Variants in MAPKAP1 observed in about 807,000 individuals in gnomAD.
The protein encoded by MAPKAP1 is target of rapamycin complex 2 subunit MAPKAP1.
MAPKAP1 carries 20 observed loss-of-function variants against 65.7 expected under a neutral mutation model. The ratio of observed to expected loss-of-function variants is 0.30; its 90% confidence interval spans 0.21 to 0.44. The LOEUF is 0.44. Among genes scored for constraint, MAPKAP1 ranks in the 20% least tolerant of loss-of-function variants. MAPKAP1 has a pLI of 1.00. For missense variants in MAPKAP1, 423 were observed against 648.0 expected (o/e 0.65, Z 3.77); for synonymous variants, 222 against 244.3 (o/e 0.91, Z 0.85).
chr9:125,498,924 C>T (rs138414014), intron 8 of MAPKAP1, among the ~76,000 whole-genome samples: 1 of 152,322 alleles, frequency 6.6e-6, no homozygotes, highest in Non-Finnish European at 1.5e-5. Context: ...GACACCTGTG[C>T]CCCATCTGCT....
chr9:125,476,812 A>G lies in MAPKAP1; in HGVS notation c.1207+7631T>C, dbSNP rs190573600. Among the ~76,000 whole-genome samples the G allele has an allele frequency of 4.5e-3, 686 of 152,338 alleles. 4 individuals carry two copies. Among genetic ancestry groups the G allele is most frequent in the African/African-American group, 0.015 (644 of 41,582 alleles). ...GTAGGAAAGACAAGGCAGGGAAGAC[A>G]AGAAATGGCAAATATGCTGCCTGTC... On this transcript the variant is annotated intron_variant, in intron 9 of 11. Transcript: ENST00000265960.
At chr9:125,458,675 T>C (rs1486549088) in intron 10 of MAPKAP1, among the ~76,000 whole-genome samples, 1 of 149,912 alleles carries the variant, frequency 6.7e-6, no homozygotes, top group South Asian at 2.1e-4. Flanking sequence ...CCCTCCCCCC[T>C]TTCTATTCCA....
At chr9:125,507,839 T>C (rs1319177041) in intron 7 of MAPKAP1, among the ~76,000 whole-genome samples, 1 of 152,226 alleles carries the variant, frequency 6.6e-6, no homozygotes, top group Non-Finnish European at 1.5e-5. Flanking sequence ...TTTAAAATTA[T>C]TGGTAGTAAA....
chr9:125,475,718 T>C (rs1358570778), intron 9 of MAPKAP1, among the ~76,000 whole-genome samples: 4 of 152,140 alleles, frequency 2.6e-5, no homozygotes, highest in African/African-American at 9.7e-5. Context: ...AGAGAAGGCA[T>C]TTACAAAGAT....
At chr9:125,618,906 A>G (rs1170940385) in intron 4 of MAPKAP1, among the ~76,000 whole-genome samples, 1 of 152,220 alleles carries the variant, frequency 6.6e-6, no homozygotes, top group African/African-American at 2.4e-5. Context: ...CCAAGGCAAG[A>G]GAATGCCTTG....
At position 125,640,546 on chromosome 9, in the gene MAPKAP1, C is replaced by T. The variant is rs560395869; in HGVS notation, c.498+17105G>A. Among the ~76,000 whole-genome samples the T allele has an allele frequency of 5.3e-4, 80 of 152,028 alleles. No homozygotes were observed. In the Middle Eastern group the frequency reaches 0.01, roughly 20 times the overall value. ...TTGATGAATGAAAAATCTACCTTGC[C>T]TACAGTATTCTCATAAAGCAAACCT... On this transcript the variant is annotated intron_variant, in intron 4 of 11. Transcript: ENST00000265960.
intron 8 of MAPKAP1, among the ~76,000 whole-genome samples, chr9:125,493,399 C>T (rs187340205): frequency 6.6e-6 from 1 of 152,318 alleles, no homozygotes; most frequent in East Asian, 1.9e-4. Context: ...ATTGAAGGTT[C>T]TTCTGGTAAG....
At chr9:125,654,085 G>A (rs1211479628) in intron 4 of MAPKAP1, among the ~76,000 whole-genome samples, 1 of 152,164 alleles carries the variant, frequency 6.6e-6, no homozygotes, top group African/African-American at 2.4e-5. Flanking sequence ...TCTGAAACGG[G>A]TGGAGAAACA....
chr9:125,706,681 G>C (rs1029533682), intron 1 of MAPKAP1, among the ~76,000 whole-genome samples: 5 of 152,014 alleles, frequency 3.3e-5, no homozygotes, highest in African/African-American at 1.2e-4. Flanking sequence ...AGGGCACCTA[G>C]ATATTGCCAA....
At chr9:125,467,917 G>T (rs1213956302) in intron 10 of MAPKAP1, 55 bp downstream of exon 10, 3 of 1,586,728 alleles carry the variant, frequency 1.9e-6, no homozygotes, top group Admixed American at 1.7e-5. Flanking sequence ...CCAGCACACA[G>T]AAGAGAAGAG....
At chr9:125,514,154 C>G (rs1443537896) in intron 7 of MAPKAP1, among the ~76,000 whole-genome samples, 1 of 152,146 alleles carries the variant, frequency 6.6e-6, no homozygotes, top group African/African-American at 2.4e-5. Context: ...ACGTGCCATT[C>G]CCTCTTCCCT....
At chr9:125,682,153 T>C (rs1186327693) in intron 1 of MAPKAP1, among the ~76,000 whole-genome samples, 1 of 152,214 alleles carries the variant, frequency 6.6e-6, no homozygotes, top group Non-Finnish European at 1.5e-5. Flanking sequence ...GGTTACTTTG[T>C]AGCTTCCACT....
chr9:125,701,562 T>A (rs1835598992), intron 1 of MAPKAP1, among the ~76,000 whole-genome samples: 1 of 152,206 alleles, frequency 6.6e-6, no homozygotes, highest in African/African-American at 2.4e-5. Context: ...ACACCCTCTC[T>A]AGTCAACTGC....
At chr9:125,486,590 C>T (rs1854506581) in intron 8 of MAPKAP1, among the ~76,000 whole-genome samples, 1 of 152,206 alleles carries the variant, frequency 6.6e-6, no homozygotes. Flanking sequence ...AAGTTGGTGT[C>T]TGATGCTTTC....
At chr9:125,652,075 C>T in intron 4 of MAPKAP1, 3 of 1,238,082 alleles carry the variant, frequency 2.4e-6, no homozygotes, top group Non-Finnish European at 3.1e-6. Context: ...GCCTTTTCCA[C>T]TAAGGGCAAT....
chr9:125,556,465 G>A lies in MAPKAP1; in HGVS notation c.848+3168C>T, dbSNP rs895349507. Among the ~76,000 whole-genome samples, 3 of 152,228 alleles carry A rather than the reference G, an allele frequency of 2.0e-5. No homozygotes were observed. The East Asian group carries it at 5.8e-4, about 29-fold the overall frequency. ...CAAATCCAGGCCTAAGAACAATATT[G>A]CTCACCCTCAGGTTCCACGCCTCTA... On this transcript the variant is annotated intron_variant, in intron 6 of 11. Transcript: ENST00000265960.
chr9:125,593,850 C>A (rs1382875470), intron 4 of MAPKAP1, among the ~76,000 whole-genome samples: 1 of 152,214 alleles, frequency 6.6e-6, no homozygotes, highest in Non-Finnish European at 1.5e-5. Context: ...CTAGACTCAA[C>A]TTCATATCCC....
At chr9:125,492,922 C>T (rs1336770980) in intron 8 of MAPKAP1, among the ~76,000 whole-genome samples, 2 of 152,114 alleles carry the variant, frequency 1.3e-5, no homozygotes, top group Admixed American at 6.5e-5. Flanking sequence ...CTAGTGCTTC[C>T]GGAATTTAGG....
rs185139872 is a variant in MAPKAP1, at chr9:125,679,702, G to A, written c.-69-7059C>T. 3.4e-4 allele frequency among the ~76,000 whole-genome samples: 52 copies of A among 152,132 alleles called. No homozygotes were observed. The East Asian group carries it at 7.9e-3, about 23-fold the overall frequency. ...CAAATAACTCACTACAAGCAAACAA[G>A]CCCACCCTATACTTCTTCAGTCTCT... is the stretch of plus-strand genomic sequence containing the variant. On this transcript the variant is annotated intron_variant, in intron 1 of 11. Coordinates refer to ENST00000265960, the MANE Select transcript of MAPKAP1 (RefSeq NM_001006617.3).
Sources: gnomAD v4.1 joint callset for allele counts (sites outside exome capture counted in the v4.1 genomes callset) on GRCh38, gnomAD v4.1.1 for gene constraint, MANE v1.5 for transcripts, NCBI Gene and HGNC (gene_info 2026-07-23, HGNC 2026-07-21) for gene names.